JMJD1C: variants seen among roughly 807,000 people sequenced by gnomAD.
JMJD1C encodes the protein jumonji domain containing 1C.
JMJD1C carries 31 observed loss-of-function variants against 245.3 expected under a neutral mutation model. The ratio of observed to expected loss-of-function variants is 0.13; its 90% confidence interval spans 0.09 to 0.17. JMJD1C has a LOEUF of 0.17. JMJD1C is among the 10% of genes least tolerant of loss of function. The pLI is 1.00. For synonymous variants in JMJD1C, 1,057 were observed against 1,017.4 expected, an observed-to-expected ratio of 1.04 and a Z score of -0.74; for missense variants, 2,691 against 3,000.2, an observed-to-expected ratio of 0.90 and a Z score of 2.41.
Position 63,193,423 on chromosome 10 carries a change from A to G in JMJD1C, c.5784T>C (p.Gly1928=), listed in dbSNP as rs930983163. ...TAGTACAATGACAATGGGATTTAAT[A>G]CCATATTTTTCCCTAAGAGTGTGCA... ...DAMHTLREKY[G]IKSHCHCTNK... Residue 1928 remains glycine (G), a synonymous_variant, in exon 15 of 26, where the codon GGT becomes GGC. Coordinates refer to ENST00000399262, the MANE Select transcript of JMJD1C (RefSeq NM_032776.3). 6.3e-7 allele frequency: 1 copy of G among 1,596,314 alleles called. No individual in the cohort carries two copies. The highest frequency in any genetic ancestry group is 8.6e-7 in the Non-Finnish European group (1 of 1,166,750).
chr10:63,376,363 T>C (rs1274740556), intron 2 of JMJD1C, among the ~76,000 whole-genome samples: 2 of 152,130 alleles, frequency 1.3e-5, no homozygotes. Flanking sequence ...GACATGGATT[T>C]GGCAATTTTT....
At chr10:63,265,922 T>C (rs1855517359) in intron 2 of JMJD1C, among the ~76,000 whole-genome samples, 1 of 152,134 alleles carries the variant, frequency 6.6e-6, no homozygotes, top group African/African-American at 2.4e-5. Context: ...ATTTTGTTAA[T>C]AACAATAAAC....
intron 2 of JMJD1C, among the ~76,000 whole-genome samples, chr10:63,293,943 T>C (rs1859079692): frequency 6.6e-6 from 1 of 152,174 alleles, no homozygotes; most frequent in African/African-American, 2.4e-5. Flanking sequence ...TCTAGGTCCT[T>C]TTTCTGACCT....
At chr10:63,301,727 A>G (rs1860102149) in intron 2 of JMJD1C, 1 of 450,634 alleles carries the variant, frequency 2.2e-6, no homozygotes, top group East Asian at 7.2e-5. Flanking sequence ...TAAAACCTTG[A>G]TGACGCAGCA....
chr10:63,307,447 A>G (rs932269134), intron 2 of JMJD1C, among the ~76,000 whole-genome samples: 3 of 152,256 alleles, frequency 2.0e-5, no homozygotes, highest in Non-Finnish European at 2.9e-5. Flanking sequence ...AACCTACTAC[A>G]AACTACATCA....
intron 2 of JMJD1C, among the ~76,000 whole-genome samples, chr10:63,305,509 G>A (rs1272333355): frequency 1.1e-5 from 1 of 89,422 alleles, no homozygotes; most frequent in African/African-American, 3.7e-5. Flanking sequence ...GGCAAGGTCT[G>A]ACCCTCTCTC....
At chr10:63,296,069 T>G (rs930869196) in intron 2 of JMJD1C, among the ~76,000 whole-genome samples, 2 of 149,730 alleles carry the variant, frequency 1.3e-5, no homozygotes, top group Middle Eastern at 3.4e-3. Context: ...TGGAGTGCAA[T>G]GGCACAATCT....
rs1030637355 is a variant in JMJD1C at position 63,184,721 on chromosome 10, T to C, written c.6848A>G (p.Lys2283Arg). ...ACAATATTCTGGCAATGGCAGACTT[T>C]TTAAAAGATCTTCGTATCTGAAGAA... is the stretch of plus-strand genomic sequence containing the variant. ...MMPARYEDLL[K>R]SLPLPEYCNP... The change falls in exon 21 of 26, where the codon AAA becomes AGA. Residue 2283 changes from lysine (K) to arginine (R), a missense_variant. Around this residue, in one of 9 missense-constraint regions of JMJD1C, gnomAD observed 232 missense variants for 416.1 expected, o/e 0.56. Transcript: ENST00000399262. 2.5e-6 allele frequency: 4 copies of C among 1,609,074 alleles called. No individual in the cohort carries two copies. In the African/African-American group the frequency reaches 4.0e-5, roughly 16 times the overall value.
At chr10:63,358,517 A>C (rs1170056083) in intron 2 of JMJD1C, among the ~76,000 whole-genome samples, 1 of 152,116 alleles carries the variant, frequency 6.6e-6, no homozygotes, top group Non-Finnish European at 1.5e-5. Flanking sequence ...CTGTCTCTTT[A>C]ATACGATATA....
At chr10:63,286,098 G>T (rs1649866214) in intron 2 of JMJD1C, among the ~76,000 whole-genome samples, 1 of 152,188 alleles carries the variant, frequency 6.6e-6, no homozygotes, top group Non-Finnish European at 1.5e-5. Context: ...AGGTCATTCT[G>T]ATACACTATC....
intron 1 of JMJD1C, among the ~76,000 whole-genome samples, chr10:63,426,226 A>G (rs1950431238): frequency 1.3e-5 from 2 of 152,056 alleles, no homozygotes; most frequent in Admixed American, 1.3e-4. Context: ...AAAAAAATTT[A>G]AAAATTAGCC....
intron 24 of JMJD1C, among the ~76,000 whole-genome samples, chr10:63,172,017 T>C (rs1842417691): frequency 6.6e-6 from 1 of 152,216 alleles, no homozygotes; most frequent in Non-Finnish European, 1.5e-5. Flanking sequence ...AGAGCTGTGT[T>C]GTTGTCATTA....
chr10:63,188,302 T>C (rs1182840607), intron 18 of JMJD1C, among the ~76,000 whole-genome samples: 1 of 152,258 alleles, frequency 6.6e-6, no homozygotes, highest in East Asian at 1.9e-4. Context: ...AAAAAAGACA[T>C]GCTAAATCTT....
chr10:63,445,833 T>C (rs1310101374), intron 1 of JMJD1C, among the ~76,000 whole-genome samples: 1 of 146,710 alleles, frequency 6.8e-6, no homozygotes, highest in African/African-American at 2.5e-5. Flanking sequence ...ATAATGCTAA[T>C]AGAAAAAATG....
intron 1 of JMJD1C, among the ~76,000 whole-genome samples, chr10:63,405,355 C>G (rs1949105922): frequency 7.9e-6 from 1 of 126,434 alleles, no homozygotes; most frequent in Non-Finnish European, 1.6e-5. Context: ...GAGTCTTGCT[C>G]TGTTGTCCAT....
chr10:63,500,192 C>A (rs905591220), intron 1 of JMJD1C, among the ~76,000 whole-genome samples: 1 of 152,008 alleles, frequency 6.6e-6, no homozygotes. Context: ...GAGGCCGAGG[C>A]GGGAGAACTG....
chr10:63,263,632 TC>T (rs1036937708), intron 3 of JMJD1C, among the ~76,000 whole-genome samples: 6 of 152,114 alleles, frequency 3.9e-5, no homozygotes, highest in South Asian at 2.1e-4. Flanking sequence ...CAACCTAAAC[TC>T]TAAATATACA....
rs1461236186 is a variant in JMJD1C, at chr10:63,207,321, C to T, written c.4348G>A (p.Val1450Ile). ...QPVAQKQECK[V>I]STTAPVTLAS... ...AATGTAACTGGTGCTGTGGTGCTGA[C>T]CTTGCATTCTTGTTTTTGAGCCACT... is the stretch of plus-strand genomic sequence containing the variant. The change falls in exon 10 of 26, where the codon GTC becomes ATC. Residue 1450 changes from valine (V) to isoleucine (I), a missense_variant. By Grantham distance (29) the Val-to-Ile change is conservative. Coordinates refer to ENST00000399262, the MANE Select transcript of JMJD1C (RefSeq NM_032776.3). The T allele has an allele frequency of 2.5e-6, 4 of 1,613,468 alleles. No homozygotes were observed. Among genetic ancestry groups the T allele is most frequent in the South Asian group, 2.2e-5 (2 of 91,090 alleles).
intron 2 of JMJD1C, among the ~76,000 whole-genome samples, chr10:63,369,623 A>G (rs992553999): frequency 5.9e-5 from 9 of 152,220 alleles, no homozygotes; most frequent in African/African-American, 2.2e-4. Flanking sequence ...GCTCCTCCCA[A>G]TATTAGGCAT....
Sources: allele counts gnomAD v4.1 joint callset (sites outside exome capture counted in the v4.1 genomes callset), GRCh38; gene constraint gnomAD v4.1.1; regional missense constraint gnomAD v4.1.1; transcripts MANE v1.5; gene names NCBI Gene and HGNC (gene_info 2026-07-23, HGNC 2026-07-21).